The following PRUNE2 variants were observed in gnomAD, a reference collection of about 807,000 sequenced individuals.
PRUNE2 encodes the protein prune homolog 2 with BCH domain.
PRUNE2 carries 164 observed loss-of-function variants against 252.0 expected under a neutral mutation model. That is an observed-to-expected ratio of 0.65 (90% CI 0.57 to 0.74). The LOEUF (loss-of-function observed/expected upper bound fraction) is 0.74. Among genes scored for constraint, PRUNE2 ranks in the 30% least tolerant of loss-of-function variants. PRUNE2 has a pLI of 0.00. For synonymous variants in PRUNE2, 1,292 were observed against 1,350.2 expected, an observed-to-expected ratio of 0.96 and a Z score of 0.94; for missense variants, 3,495 against 3,711.0, an observed-to-expected ratio of 0.94 and a Z score of 1.51.
At chr9:76,623,418 C>T (rs1160974174) in intron 17 of PRUNE2, among the ~76,000 whole-genome samples, 1 of 152,024 alleles carries the variant, frequency 6.6e-6, no homozygotes, top group African/African-American at 2.4e-5. Flanking sequence ...CCTCAGCCTC[C>T]CGAGTAGCTC....
intron 9 of PRUNE2, among the ~76,000 whole-genome samples, chr9:76,684,940 C>T (rs764109902): frequency 3.9e-5 from 6 of 152,054 alleles, no homozygotes; most frequent in South Asian, 2.1e-4. Context: ...TTAGTAGAGA[C>T]GGGGTTTCAC....
intron 9 of PRUNE2, among the ~76,000 whole-genome samples, chr9:76,658,162 C>T (rs1849936565): frequency 2.0e-5 from 3 of 152,166 alleles, no homozygotes; most frequent in Admixed American, 2.0e-4. Context: ...AGTTCAAGAA[C>T]ACCCTGACCA....
chr9:76,806,584 T>A (rs561394980), intron 6 of PRUNE2, among the ~76,000 whole-genome samples: 1 of 150,394 alleles, frequency 6.6e-6, no homozygotes, highest in South Asian at 2.1e-4. Context: ...CTCTGCTCAC[T>A]GCAAGCTCCG....
intron 4 of PRUNE2, among the ~76,000 whole-genome samples, chr9:76,835,816 G>T (rs573614248): frequency 6.6e-6 from 1 of 152,134 alleles, no homozygotes; most frequent in Admixed American, 6.6e-5. Flanking sequence ...TTTTGAAGCT[G>T]TTAATCCAGG....
At chr9:76,816,656 C>A (rs1486186360) in intron 6 of PRUNE2, among the ~76,000 whole-genome samples, 2 of 152,132 alleles carry the variant, frequency 1.3e-5, no homozygotes, top group East Asian at 1.9e-4. Flanking sequence ...ACTCCTAATT[C>A]CCCAGCTACT....
intron 6 of PRUNE2, among the ~76,000 whole-genome samples, chr9:76,804,045 A>C (rs2056756946): frequency 6.6e-6 from 1 of 152,020 alleles, no homozygotes; most frequent in African/African-American, 2.4e-5. Flanking sequence ...CTCTTGGATG[A>C]GATCTAAGAA....
chr9:76,819,610 C>G (rs2057916884), intron 6 of PRUNE2: 1 of 152,190 alleles, frequency 6.6e-6, no homozygotes, highest in African/African-American at 2.4e-5. Context: ...CACACTGATA[C>G]AGCACATACA....
At position 76,709,057 on chromosome 9, in the gene PRUNE2, C is replaced by T. The variant is rs774346011; in HGVS notation, c.3217G>A (p.Glu1073Lys). 15 of 1,613,782 alleles carry T rather than the reference C, an allele frequency of 9.3e-6. No individual in the cohort carries two copies. Among genetic ancestry groups the T allele is most frequent in the East Asian group, 4.5e-5 (2 of 44,890 alleles). ...KNISMEDDVGESSQSSYDDPS... is the reference protein window; with the variant it reads ...KNISMEDDVGKSSQSSYDDPS... ...TCGTCGTAACTGGACTGGCTGCTTT[C>T]CCCGACGTCATCCTCCATGGAGATA... The change falls in exon 8 of 19, where the codon GAA (glutamate) becomes AAA (lysine). Residue 1073 changes from glutamate to lysine, a missense_variant. Glu to Lys is a moderately conservative substitution (Grantham distance 56). Coordinates refer to ENST00000376718, the MANE Select transcript of PRUNE2 (RefSeq NM_015225.3).
intron 10 of PRUNE2, among the ~76,000 whole-genome samples, chr9:76,655,125 T>C (rs1588207844): frequency 6.6e-6 from 1 of 152,182 alleles, no homozygotes; most frequent in Non-Finnish European, 1.5e-5. Flanking sequence ...ACTTAGACAT[T>C]AGTCAGAATT....
At chr9:76,633,529 C>A (rs375790900) in intron 15 of PRUNE2, among the ~76,000 whole-genome samples, 1 of 150,146 alleles carries the variant, frequency 6.7e-6, no homozygotes, top group Non-Finnish European at 1.5e-5. Flanking sequence ...TTGCAGTGAG[C>A]CGAGATCGCA....
chr9:76,890,469 G>A (rs1449938701), intron 1 of PRUNE2, among the ~76,000 whole-genome samples: 1 of 152,318 alleles, frequency 6.6e-6, no homozygotes, highest in Admixed American at 6.5e-5. Context: ...TTAAAATAAA[G>A]CAGAAGTATA....
chr9:76,714,676 C>T (rs1034072379), intron 6 of PRUNE2, among the ~76,000 whole-genome samples: 3 of 152,190 alleles, frequency 2.0e-5, no homozygotes, highest in East Asian at 1.9e-4. Flanking sequence ...GGCTTACAGG[C>T]GTAAGACCGC....
intron 4 of PRUNE2, among the ~76,000 whole-genome samples, chr9:76,831,739 A>G (rs2058687010): frequency 6.6e-6 from 1 of 152,180 alleles, no homozygotes; most frequent in East Asian, 1.9e-4. Flanking sequence ...GTAGGAAACA[A>G]ACATCAAAAT....
chr9:76,735,423 T>C (rs1220360268), intron 6 of PRUNE2, among the ~76,000 whole-genome samples: 7 of 130,114 alleles, frequency 5.4e-5, no homozygotes, highest in African/African-American at 1.9e-4. Flanking sequence ...TTTCTTCTTT[T>C]TTTTTTTTTT....
At chr9:76,680,984 T>C (rs1588540337) in intron 9 of PRUNE2, among the ~76,000 whole-genome samples, 1 of 152,156 alleles carries the variant, frequency 6.6e-6, no homozygotes, top group African/African-American at 2.4e-5. Context: ...ATGGAGATTA[T>C]AATTCAAGAT....
At chr9:76,798,482 C>T (rs1042694810) in intron 6 of PRUNE2, among the ~76,000 whole-genome samples, 2 of 152,188 alleles carry the variant, frequency 1.3e-5, no homozygotes, top group African/African-American at 4.8e-5. Context: ...CTATTTAAGG[C>T]TCAGTACTCT....
At chr9:76,775,850 C>T (rs1030397377) in intron 6 of PRUNE2, among the ~76,000 whole-genome samples, 4 of 152,206 alleles carry the variant, frequency 2.6e-5, no homozygotes, top group Non-Finnish European at 5.9e-5. Flanking sequence ...CTTCTCTAGC[C>T]TTTAGCTCGG....
intron 6 of PRUNE2, chr9:76,786,197 C>A (rs1287783823): frequency 6.6e-6 from 1 of 151,430 alleles, no homozygotes; most frequent in Admixed American, 6.5e-5. Context: ...GGTGCTTTCA[C>A]TAATGTCTCT....
In PRUNE2 at chr9:76,626,510, T is replaced by A. The variant is rs61094786; in HGVS notation, c.9150-2020A>T. Among the ~76,000 whole-genome samples, 595 of 152,340 alleles carry A rather than the reference T, an allele frequency of 3.9e-3. 5 individuals are homozygous for A. The highest frequency in any genetic ancestry group is 0.014 in the African/African-American group (575 of 41,584). On this transcript the variant is annotated intron_variant, in intron 16 of 18. Coordinates refer to ENST00000376718, the MANE Select transcript of PRUNE2 (RefSeq NM_015225.3). Reference sequence around the variant, plus strand: ...TTACAGAAAACAGAACACATGGACATGTGGGCAGCACATGAATGGTGGTAA... The same window carrying A: ...TTACAGAAAACAGAACACATGGACAAGTGGGCAGCACATGAATGGTGGTAA...
Sources: allele counts gnomAD v4.1 joint callset (sites outside exome capture counted in the v4.1 genomes callset), GRCh38; gene constraint gnomAD v4.1.1; transcripts MANE v1.5; gene names NCBI Gene and HGNC (gene_info 2026-07-23, HGNC 2026-07-21).